The following ZNF827 variants were observed in gnomAD, a reference collection of about 807,000 sequenced individuals.
ZNF827 encodes zinc finger protein 827.
In ZNF827, 13 loss-of-function variants were observed where a neutral mutation model predicts 102.4. The ratio of observed to expected loss-of-function variants is 0.13; its 90% CI spans 0.08 to 0.20. ZNF827 has a LOEUF of 0.20. ZNF827 is among the 10% of genes least tolerant of loss of function. ZNF827 has a pLI of 1.00. For synonymous variants in ZNF827, 523 were observed against 536.2 expected (o/e 0.98, Z 0.34); for missense variants, 1,103 against 1,344.4 (o/e 0.82, Z 2.81).
intron 8 of ZNF827, among the ~76,000 whole-genome samples, chr4:145,808,310 C>G (rs377014642): frequency 1.3e-5 from 2 of 152,202 alleles, no homozygotes. Context: ...CTATCCCACT[C>G]CCTCATTATC....
At chr4:145,828,676 G>A (rs1016047197) in intron 7 of ZNF827, among the ~76,000 whole-genome samples, 4 of 152,084 alleles carry the variant, frequency 2.6e-5, no homozygotes, top group Non-Finnish European at 5.9e-5. Flanking sequence ...AAGTGAAATG[G>A]CTGTGGAAAG....
rs774494945 is a variant in ZNF827 at position 145,761,225 on chromosome 4, C to T, written c.*391G>A. The T allele has an allele frequency of 1.6e-5, 20 of 1,289,696 alleles. No homozygotes were observed. The highest frequency in any genetic ancestry group is 1.8e-5 in the Non-Finnish European group (18 of 988,880). 79.9% of individuals were successfully genotyped at this position (1,289,696 alleles called of 1,614,324 possible). ...TGCTTCTTGACGTGGCGGCTGAAGA[C>T]GAAAGGGTGTGTGGTCTTGAACAGG... On this transcript the variant is annotated 3_prime_UTR_variant, in exon 15 of 15. Transcript: ENST00000508784. The surrounding 1 kb of genome is among the most constrained non-coding windows in gnomAD (Gnocchi z 6.8).
At chr4:145,856,682 TACACACACACACAC>T (rs58347486) in intron 5 of ZNF827, among the ~76,000 whole-genome samples, 3,660 of 141,850 alleles carry the variant, frequency 0.026, 139 homozygotes, top group African/African-American at 0.086. Flanking sequence ...AGTACACACA[TACACACACACACAC>T]ACACACACAC....
rs1368237540 is a variant in ZNF827, at chr4:145,894,170, T to A, written c.1094-1755A>T. 2.0e-5 allele frequency among the ~76,000 whole-genome samples: 3 copies of A among 152,150 alleles called. No homozygotes were observed. The East Asian group carries it at 5.8e-4, about 29-fold the overall frequency. ...GGAAGTATTTACAAACAAGCGGATA[T>A]GATGTCTGGGATTTGCTTTAAAATA... On this transcript the variant is annotated intron_variant, in intron 2 of 14. Transcript: ENST00000508784.
chr4:145,917,632 G>T (rs962062811), intron 1 of ZNF827, among the ~76,000 whole-genome samples: 2 of 131,170 alleles, frequency 1.5e-5, no homozygotes, highest in African/African-American at 5.8e-5. Context: ...GCATCAAGTG[G>T]TAAGATTGAA....
intron 5 of ZNF827, among the ~76,000 whole-genome samples, chr4:145,859,990 C>T (rs532051603): frequency 1.2e-3 from 184 of 152,308 alleles, no homozygotes; most frequent in African/African-American, 4.0e-3. Flanking sequence ...CCTGATTAAA[C>T]GTGTAATTCT....
intron 5 of ZNF827, among the ~76,000 whole-genome samples, chr4:145,867,536 G>T (rs1748314060): frequency 6.6e-6 from 1 of 152,194 alleles, no homozygotes; most frequent in African/African-American, 2.4e-5. Context: ...GACTGAAAGG[G>T]TCTAAACTAT....
intron 8 of ZNF827, among the ~76,000 whole-genome samples, chr4:145,798,203 G>T (rs1338398464): frequency 1.3e-5 from 2 of 152,130 alleles, no homozygotes; most frequent in Non-Finnish European, 2.9e-5. Context: ...AATATATATG[G>T]TTTGCATTTC....
At chr4:145,935,405 CTG>C (rs1221609799) in intron 1 of ZNF827, among the ~76,000 whole-genome samples, 1 of 152,206 alleles carries the variant, frequency 6.6e-6, no homozygotes, top group African/African-American at 2.4e-5. Flanking sequence ...CCTTGGGTGA[CTG>C]TGATTGAACT....
At chr4:145,931,272 C>A (rs1239995229) in intron 1 of ZNF827, among the ~76,000 whole-genome samples, 1 of 152,138 alleles carries the variant, frequency 6.6e-6, no homozygotes, top group Non-Finnish European at 1.5e-5. Context: ...GTACACTTAG[C>A]CCTAGATGGA....
At chr4:145,862,842 T>A (rs1030625286) in intron 5 of ZNF827, among the ~76,000 whole-genome samples, 1 of 152,178 alleles carries the variant, frequency 6.6e-6, no homozygotes, top group Non-Finnish European at 1.5e-5. Context: ...AATTTTTGGA[T>A]TTATGGAAAA....
chr4:145,768,051 T>C (rs561819851), intron 11 of ZNF827, among the ~76,000 whole-genome samples: 1 of 152,322 alleles, frequency 6.6e-6, no homozygotes, highest in East Asian at 1.9e-4. Context: ...AGTAAACATA[T>C]GACAATAGTA....
intron 1 of ZNF827, among the ~76,000 whole-genome samples, chr4:145,929,958 G>A (rs1239007744): frequency 6.6e-6 from 1 of 152,200 alleles, no homozygotes; most frequent in Non-Finnish European, 1.5e-5. Context: ...CAGCTAGTCA[G>A]TGGCAAAGCT....
chr4:145,828,233 A>C (rs767845317), intron 7 of ZNF827, among the ~76,000 whole-genome samples: 1 of 152,222 alleles, frequency 6.6e-6, no homozygotes, highest in Non-Finnish European at 1.5e-5. Context: ...GTTTGTGAAC[A>C]CCATATAGCC....
chr4:145,826,360 C>G (rs1331070690), intron 7 of ZNF827, among the ~76,000 whole-genome samples: 1 of 152,162 alleles, frequency 6.6e-6, no homozygotes. Flanking sequence ...TAAAAAACAG[C>G]AACAAACGCT....
At chr4:145,773,705 A>G (rs563233913) in intron 11 of ZNF827, among the ~76,000 whole-genome samples, 23 of 152,360 alleles carry the variant, frequency 1.5e-4, no homozygotes, top group African/African-American at 5.0e-4. Flanking sequence ...AAGCTTAAAT[A>G]ACAGGCGAGC....
intron 5 of ZNF827, among the ~76,000 whole-genome samples, chr4:145,852,317 G>A (rs192095729): frequency 2.0e-3 from 303 of 152,306 alleles, no homozygotes; most frequent in African/African-American, 6.7e-3. Flanking sequence ...AATGAAATTA[G>A]TTTTTAAAAG....
At chr4:145,831,359 G>C (rs771141732) in intron 7 of ZNF827, 1 of 152,216 alleles carries the variant, frequency 6.6e-6, no homozygotes, top group African/African-American at 2.4e-5. Context: ...AAGAAAGAGG[G>C]GCAGTTGTGA....
intron 3 of ZNF827, among the ~76,000 whole-genome samples, chr4:145,891,999 C>A (rs903421631): frequency 6.6e-6 from 1 of 152,206 alleles, no homozygotes; most frequent in African/African-American, 2.4e-5. Flanking sequence ...AGGAGAGGAC[C>A]GCCCTCCAGT....
Sources: gnomAD v4.1 joint callset for allele counts (sites outside exome capture counted in the v4.1 genomes callset) on GRCh38, gnomAD v4.1.1 for gene constraint, Gnocchi (gnomAD v3.1) non-coding constraint, MANE v1.5 for transcripts, NCBI Gene and HGNC (gene_info 2026-07-23, HGNC 2026-07-21) for gene names.